FGD6: variants seen among roughly 807,000 people sequenced by gnomAD.
The protein encoded by FGD6 is FYVE, RhoGEF and PH domain containing 6, also known as FYVE, RhoGEF and PH domain-containing protein 6.
A neutral mutation model predicts 149.4 loss-of-function variants in FGD6; 90 were observed. The ratio of observed to expected loss-of-function variants is 0.60; its 90% CI spans 0.51 to 0.72. The LOEUF (loss-of-function observed/expected upper bound fraction) is 0.72, where lower values mean the gene tolerates loss of function less well. Ranked by LOEUF, FGD6 falls within the 30% of genes least tolerant of loss-of-function variation. The pLI is 0.00. For synonymous variants in FGD6, 527 were observed against 584.0 expected, an observed-to-expected ratio of 0.90 and a Z score of 1.41; for missense variants, 1,437 against 1,684.8, an observed-to-expected ratio of 0.85 and a Z score of 2.57.
Position 95,134,733 on chromosome 12 carries a change from G to C in FGD6, c.3082+6C>G. ...GGGTGGTTGGCAAAATGCTGGAGAAGCCCACCTGTCAGCAACAGCCTGTAC... is the reference window on the plus strand; with the variant it reads ...GGGTGGTTGGCAAAATGCTGGAGAACCCCACCTGTCAGCAACAGCCTGTAC... On this transcript the variant is annotated splice_donor_region_variant and intron_variant, in intron 8 of 20. Transcript: ENST00000343958. 1 of 1,613,016 alleles carries C rather than the reference G, an allele frequency of 6.2e-7. No homozygotes were observed. Among genetic ancestry groups the C allele is most frequent in the Non-Finnish European group, 8.5e-7 (1 of 1,179,612 alleles).
At chr12:95,098,861 C>G (rs1878326396) in intron 14 of FGD6, among the ~76,000 whole-genome samples, 1 of 136,356 alleles carries the variant, frequency 7.3e-6, no homozygotes, top group Admixed American at 7.8e-5. Flanking sequence ...AGGAAGGGCC[C>G]TTTTAATTTT....
rs758320010 is a variant in FGD6 at position 95,209,535 on chromosome 12, T to C, written c.1749A>G (p.Leu583=). ...TGTTTGACGATACGGTGACAGACTT[T>C]AAGAATTCTGGGTTCCCTGAAAAGG... The part of the protein sequence containing the change: ...ILPFSGNPEF[L]KSVTVSSNSE... The change falls in exon 2 of 21, where the codon TTA becomes TTG. Residue 583 remains leucine (L), a synonymous_variant. Coordinates refer to ENST00000343958, the MANE Select transcript of FGD6 (RefSeq NM_018351.4). 3.7e-6 allele frequency: 6 copies of C among 1,614,040 alleles called. No individual in the cohort carries two copies. Among genetic ancestry groups the C allele is most frequent in the Non-Finnish European group, 5.1e-6 (6 of 1,180,012 alleles).
chr12:95,096,937 A>G (rs915760944), intron 14 of FGD6, among the ~76,000 whole-genome samples: 3 of 152,218 alleles, frequency 2.0e-5, no homozygotes, highest in Non-Finnish European at 4.4e-5. Flanking sequence ...TCACCAGAAG[A>G]GTAACAGAAA....
chr12:95,129,073 T>C (rs1879434077), intron 8 of FGD6, among the ~76,000 whole-genome samples: 1 of 151,856 alleles, frequency 6.6e-6, no homozygotes, highest in Non-Finnish European at 1.5e-5. Flanking sequence ...AAGATATTGC[T>C]ATAAAATGGC....
At chr12:95,161,920 G>A (rs1394792666) in intron 3 of FGD6, among the ~76,000 whole-genome samples, 2 of 152,064 alleles carry the variant, frequency 1.3e-5, no homozygotes, top group Non-Finnish European at 2.9e-5. Context: ...CCCAGGTACT[G>A]TCTTAGAAAT....
rs560503948 is a variant in FGD6, at chr12:95,112,213, G to A, written c.3133+1438C>T. Among the ~76,000 whole-genome samples the A allele has an allele frequency of 3.3e-5, 5 of 150,260 alleles. No individual in the cohort carries two copies. The South Asian group carries it at 8.6e-4, about 26-fold the overall frequency. ...CATGCCACTGCACTCCAGCCTGGGT[G>A]ACAAAGTAAGACTCTGTCTCAAAAA... is the stretch of plus-strand genomic sequence containing the variant. On this transcript the variant is annotated intron_variant, in intron 9 of 20. Transcript: ENST00000343958.
In FGD6 at chr12:95,199,412, T is replaced by A. The variant is rs1483173899; in HGVS notation, c.2441+9431A>T. ...ACAACAAAAAAAAATCCTTATTTAT[T>A]TTTTTCTTACCCCCAGACTTCTAAA... On this transcript the variant is annotated intron_variant, in intron 2 of 20. Transcript: ENST00000343958. 2.0e-5 allele frequency among the ~76,000 whole-genome samples: 3 copies of A among 152,188 alleles called. No individual in the cohort carries two copies. In the East Asian group the frequency reaches 5.8e-4, roughly 29 times the overall value.
At chr12:95,214,096 T>G (rs1455161344) in intron 1 of FGD6, among the ~76,000 whole-genome samples, 1 of 152,178 alleles carries the variant, frequency 6.6e-6, no homozygotes, top group Non-Finnish European at 1.5e-5. Flanking sequence ...GTTGATGTTT[T>G]TTCAGTTCAC....
Position 95,113,708 on chromosome 12 carries a change from A to G in FGD6, c.3083-7T>C, listed in dbSNP as rs762259479. On this transcript the variant is annotated splice_region_variant and splice_polypyrimidine_tract_variant and intron_variant, in intron 8 of 20. Coordinates refer to ENST00000343958, the MANE Select transcript of FGD6 (RefSeq NM_018351.4). ...ATGAGATTCTTCAAATAATCTAGAA[A>G]AGAAGAAAAAAAAGTATTTAAGTAC... The G allele has an allele frequency of 8.3e-6, 13 of 1,565,160 alleles. No individual in the cohort carries two copies. The highest frequency in any genetic ancestry group is 1.7e-4 in the Middle Eastern group (1 of 5,784).
At position 95,149,194 on chromosome 12, in the gene FGD6, CATATATAATATTATATATTATATAAT is replaced by C. The variant is rs1880181780; in HGVS notation, c.2685+3591_2685+3616del. Reference sequence around the variant, plus strand: ...ATATTATATATTATATAATATATAGCATATATAATATTATATATTATATAATATATAGCATATATATTATATAATAT... The same window carrying C: ...ATATTATATATTATATAATATATAGCATATAGCATATATATTATATAATAT... On this transcript the variant is annotated intron_variant, in intron 5 of 20. Transcript: ENST00000343958. 2.6e-4 allele frequency among the ~76,000 whole-genome samples: 4 copies of C among 15,418 alleles called. 2 individuals are homozygous for C. The highest frequency in any genetic ancestry group is 6.6e-3 in the South Asian group (2 of 302). 10.1% of individuals were successfully genotyped at this position (15,418 alleles called of 152,430 possible). A position where few individuals can be genotyped will look rare whatever the true frequency, so the allele number is the denominator to read the frequency against.
chr12:95,112,180 G>C (rs1878846826), intron 9 of FGD6, among the ~76,000 whole-genome samples: 1 of 151,962 alleles, frequency 6.6e-6, no homozygotes, highest in African/African-American at 2.4e-5. Context: ...GCTGCAGTGA[G>C]CCGTGTTCAT....
chr12:95,193,778 C>T (rs1316747309), intron 2 of FGD6, among the ~76,000 whole-genome samples: 2 of 152,128 alleles, frequency 1.3e-5, no homozygotes, highest in South Asian at 2.1e-4. Flanking sequence ...ATCCGCCTGC[C>T]TCGGCCTCCC....
At chr12:95,103,584 G>C (rs746720174) in intron 14 of FGD6, among the ~76,000 whole-genome samples, 1 of 152,134 alleles carries the variant, frequency 6.6e-6, no homozygotes, top group African/African-American at 2.4e-5. Context: ...ACCCAGGCTG[G>C]AGTGCAGTGG....
chr12:95,162,125 G>C (rs1161457423), intron 3 of FGD6, among the ~76,000 whole-genome samples: 1 of 149,730 alleles, frequency 6.7e-6, no homozygotes, highest in Non-Finnish European at 1.5e-5. Flanking sequence ...AAAAAGCCAG[G>C]CATGGTGGCA....
rs999681012 is a variant in FGD6 at position 95,080,623 on chromosome 12, A to G, written c.*897T>C. The G allele has an allele frequency of 6.6e-6, 1 of 152,214 alleles. No homozygotes were observed. The highest frequency in any genetic ancestry group is 2.4e-5 in the African/African-American group (1 of 41,456). 9.4% of individuals were successfully genotyped at this position (152,214 alleles called of 1,614,324 possible). A position where few individuals can be genotyped will look rare whatever the true frequency, so the allele number is the denominator to read the frequency against. On this transcript the variant is annotated 3_prime_UTR_variant, in exon 21 of 21. Transcript: ENST00000343958. ...TTTGTAATGCACAATATTTTTGGAA[A>G]TGTAACATTACTTATAGATACAAAT...
chr12:95,190,554 A>C (rs559933235), intron 2 of FGD6, among the ~76,000 whole-genome samples: 23 of 152,278 alleles, frequency 1.5e-4, no homozygotes, highest in African/African-American at 5.5e-4. Flanking sequence ...ATCGATATCT[A>C]ATTAGTCCAT....
intron 2 of FGD6, among the ~76,000 whole-genome samples, chr12:95,195,787 T>C (rs1287488552): frequency 9.3e-6 from 1 of 108,086 alleles, no homozygotes; most frequent in African/African-American, 3.6e-5. Flanking sequence ...GGGGGGTGGG[T>C]GTGGGTATAA....
chr12:95,139,946 C>A (rs1879796858), intron 6 of FGD6, among the ~76,000 whole-genome samples: 1 of 152,058 alleles, frequency 6.6e-6, no homozygotes, highest in Admixed American at 6.6e-5. Context: ...CTATCACGAC[C>A]TTTAAAGACT....
intron 3 of FGD6, among the ~76,000 whole-genome samples, chr12:95,155,220 T>C (rs909462935): frequency 1.3e-5 from 2 of 152,168 alleles, no homozygotes; most frequent in African/African-American, 4.8e-5. Context: ...TATGTTAAAA[T>C]TTAGATTTTT....
Sources: allele counts gnomAD v4.1 joint callset (sites outside exome capture counted in the v4.1 genomes callset), GRCh38; gene constraint gnomAD v4.1.1; transcripts MANE v1.5; gene names NCBI Gene and HGNC (gene_info 2026-07-23, HGNC 2026-07-21).